The following ACYP2 variants were observed in gnomAD, a reference collection of about 807,000 sequenced individuals.
The protein encoded by ACYP2 is acylphosphatase 2, also known as acylphosphatase-2.
In ACYP2, 12 loss-of-function variants were observed where a neutral mutation model predicts 11.2. The ratio of observed to expected loss-of-function variants is 1.08; its 90% CI spans 0.69 to 1.74. The LOEUF (loss-of-function observed/expected upper bound fraction) is 1.74. Ranked by LOEUF, ACYP2 falls within the 40% of genes most tolerant of loss-of-function variation. The probability of loss-of-function intolerance (pLI) is 0.00; values close to 1 mark genes in which losing one functional copy is unlikely to be tolerated. For synonymous variants in ACYP2, 43 were observed against 32.2 expected (o/e 1.33, Z -1.13); for missense variants, 134 against 101.9 (o/e 1.31, Z -1.35).
chr2:54,163,573 G>A lies in ACYP2; in HGVS notation c.404+24825G>A, dbSNP rs539181332. 7.2e-5 allele frequency among the ~76,000 whole-genome samples: 11 copies of A among 152,212 alleles called. No homozygotes were observed. The East Asian group carries it at 1.2e-3, about 16-fold the overall frequency. On this transcript the variant is annotated intron_variant, in intron 6 of 6. Transcript: ENST00000607452. Reference sequence around the variant, plus strand: ...AAGTGGTTCATAAATGTTTGTTATCGGCTGGGGGCGGTGGCTCACGCCCGT... The same window carrying A: ...AAGTGGTTCATAAATGTTTGTTATCAGCTGGGGGCGGTGGCTCACGCCCGT...
At chr2:54,067,610 G>T (rs962590090) in intron 4 of ACYP2, among the ~76,000 whole-genome samples, 1 of 152,202 alleles carries the variant, frequency 6.6e-6, no homozygotes, top group Non-Finnish European at 1.5e-5. Flanking sequence ...CTAGAACTCA[G>T]TCTAGCAAAT....
At chr2:54,048,954 C>T (rs1411942058) in intron 2 of ACYP2, among the ~76,000 whole-genome samples, 2 of 152,208 alleles carry the variant, frequency 1.3e-5, no homozygotes, top group Non-Finnish European at 2.9e-5. Context: ...TGCTATGTGT[C>T]AGTGTCTGTT....
intron 1 of ACYP2, among the ~76,000 whole-genome samples, chr2:53,972,734 T>G (rs1671230100): frequency 6.6e-6 from 1 of 152,210 alleles, no homozygotes; most frequent in African/African-American, 2.4e-5. Flanking sequence ...TGAGAGCTAC[T>G]TCAGCAGAAT....
At chr2:54,160,862 G>A (rs1044845762) in intron 6 of ACYP2, among the ~76,000 whole-genome samples, 4 of 152,190 alleles carry the variant, frequency 2.6e-5, no homozygotes, top group African/African-American at 9.6e-5. Context: ...ACTGGAAGAA[G>A]GGAGATTGGA....
chr2:54,078,350 TAA>T (rs574549983), intron 4 of ACYP2, among the ~76,000 whole-genome samples: 75 of 139,722 alleles, frequency 5.4e-4, no homozygotes, highest in African/African-American at 1.8e-3. Flanking sequence ...GATATCTTCC[TAA>T]AAAAAAAAAG....
intron 2 of ACYP2, among the ~76,000 whole-genome samples, chr2:54,012,762 A>G (rs1379846324): frequency 6.6e-6 from 1 of 151,972 alleles, no homozygotes; most frequent in East Asian, 1.9e-4. Context: ...TCCTACCCCT[A>G]TCCTCTTTCT....
chr2:53,975,448 A>C (rs1553346702), intron 2 of ACYP2: 1 of 390,930 alleles, frequency 2.6e-6, no homozygotes, highest in African/African-American at 2.1e-5. Context: ...TAGTGGAGAC[A>C]GTAACCCAAA....
chr2:54,222,644 G>T (rs918051992), intron 6 of ACYP2, among the ~76,000 whole-genome samples: 1 of 151,886 alleles, frequency 6.6e-6, no homozygotes, highest in Non-Finnish European at 1.5e-5. Flanking sequence ...AGGTCACCCA[G>T]AATCACTTTA....
intron 6 of ACYP2, among the ~76,000 whole-genome samples, chr2:54,222,633 G>C (rs1170034986): frequency 6.6e-6 from 1 of 151,618 alleles, no homozygotes; most frequent in Non-Finnish European, 1.5e-5. Context: ...ACATAACCCA[G>C]AGGTCACCCA....
chr2:54,219,196 T>G (rs532861200), intron 6 of ACYP2, among the ~76,000 whole-genome samples: 7 of 152,308 alleles, frequency 4.6e-5, no homozygotes, highest in African/African-American at 1.7e-4. Context: ...AAGATGGAGT[T>G]GACTAGAAAA....
At chr2:54,031,108 G>A (rs1232681538) in intron 2 of ACYP2, among the ~76,000 whole-genome samples, 1 of 152,004 alleles carries the variant, frequency 6.6e-6, no homozygotes, top group African/African-American at 2.4e-5. Context: ...AAGGCTTCTT[G>A]GAGGAAAGCA....
At chr2:54,030,337 A>G (rs1213580922) in intron 2 of ACYP2, among the ~76,000 whole-genome samples, 1 of 152,192 alleles carries the variant, frequency 6.6e-6, no homozygotes, top group African/African-American at 2.4e-5. Flanking sequence ...CAAGGAATGT[A>G]TGACTGTCTC....
chr2:54,181,765 ATTG>A (rs1289522112), intron 6 of ACYP2, among the ~76,000 whole-genome samples: 15 of 152,074 alleles, frequency 9.9e-5, no homozygotes, highest in African/African-American at 3.6e-4. Flanking sequence ...GGGTTTAATT[ATTG>A]TTCTTATTTG....
intron 6 of ACYP2, among the ~76,000 whole-genome samples, chr2:54,183,405 G>A (rs1410623209): frequency 2.0e-5 from 3 of 151,984 alleles, no homozygotes; most frequent in African/African-American, 4.8e-5. Flanking sequence ...CATGGCTTAT[G>A]CCTGTAATCT....
At chr2:54,126,358 A>G (rs916914351) in intron 4 of ACYP2, among the ~76,000 whole-genome samples, 2 of 152,218 alleles carry the variant, frequency 1.3e-5, no homozygotes, top group African/African-American at 4.8e-5. Flanking sequence ...GTAACTGGTC[A>G]TCTGACATAC....
chr2:54,175,973 C>G (rs1002618539), intron 6 of ACYP2, among the ~76,000 whole-genome samples: 2 of 152,120 alleles, frequency 1.3e-5, no homozygotes, highest in Admixed American at 6.6e-5. Flanking sequence ...GGAGAGCTCT[C>G]ACACCCCCTT....
chr2:54,093,692 G>C (rs987224645), intron 4 of ACYP2, among the ~76,000 whole-genome samples: 2 of 152,246 alleles, frequency 1.3e-5, no homozygotes, highest in Non-Finnish European at 2.9e-5. Context: ...TGTAATTCCA[G>C]CACTTCGGGA....
At chr2:54,032,067 T>G (rs1352668620) in intron 2 of ACYP2, among the ~76,000 whole-genome samples, 1 of 152,176 alleles carries the variant, frequency 6.6e-6, no homozygotes, top group Non-Finnish European at 1.5e-5. Flanking sequence ...TTTCTCCCAT[T>G]TTGTAGGTTG....
intron 6 of ACYP2, among the ~76,000 whole-genome samples, chr2:54,221,054 G>T (rs887287225): frequency 6.6e-5 from 10 of 152,156 alleles, no homozygotes; most frequent in African/African-American, 2.4e-4. Flanking sequence ...TGCTTGCATG[G>T]TTTGGCTTCA....
Sources: allele counts gnomAD v4.1 joint callset (sites outside exome capture counted in the v4.1 genomes callset), GRCh38; gene constraint gnomAD v4.1.1; transcripts MANE v1.5; gene names NCBI Gene and HGNC (gene_info 2026-07-23, HGNC 2026-07-21).